The following CNTN1 variants were observed in gnomAD, a reference collection of about 807,000 sequenced individuals.
The protein encoded by CNTN1 is contactin 1.
Under a neutral mutation model 126.4 loss-of-function variants are expected in CNTN1, and 38 were observed. That is an observed-to-expected ratio of 0.30 (90% CI 0.23 to 0.39). The LOEUF is 0.39. Ranked by LOEUF, CNTN1 falls within the 10% of genes least tolerant of loss-of-function variation. The probability of loss-of-function intolerance (pLI) is 1.00; values close to 1 mark genes in which losing one functional copy is unlikely to be tolerated. For missense variants in CNTN1, 1,009 were observed against 1,248.4 expected, an observed-to-expected ratio of 0.81 and a Z score of 2.89; for synonymous variants, 413 against 422.6, an observed-to-expected ratio of 0.98 and a Z score of 0.28.
rs397957366 is a variant in CNTN1, at chr12:40,844,069, A to ATTTTTTTT, written c.-76-64279_-76-64272dup. Among the ~76,000 whole-genome samples the ATTTTTTTT allele has an allele frequency of 4.7e-4, 40 of 84,640 alleles. 11 individuals are homozygous for ATTTTTTTT. The highest frequency in any genetic ancestry group is 1.9e-3 in the East Asian group (4 of 2,082). The allele number at this position is 84,640 out of a possible 152,430, so 55.5% of individuals were successfully genotyped here. A position where few individuals can be genotyped will look rare whatever the true frequency, so the allele number is the denominator to read the frequency against. ...ATTGAAAAAATTCTTTGGCACAATGATTTTTTTTTTTTTTTTGAGACGGAG... is the reference window on the plus strand; with the variant it reads ...ATTGAAAAAATTCTTTGGCACAATGATTTTTTTTTTTTTTTTTTTTTTTTGAGACGGAG... On this transcript the variant is annotated intron_variant, in intron 1 of 23. Coordinates refer to ENST00000551295, the MANE Select transcript of CNTN1 (RefSeq NM_001843.4).
intron 15 of CNTN1, among the ~76,000 whole-genome samples, chr12:40,980,649 G>A (rs1443440940): frequency 6.6e-6 from 1 of 152,100 alleles, no homozygotes; most frequent in East Asian, 1.9e-4. Flanking sequence ...ATGAGTCAGA[G>A]ATTACTATAT....
intron 1 of CNTN1, among the ~76,000 whole-genome samples, chr12:40,736,953 T>C (rs1352041669): frequency 6.6e-6 from 1 of 151,988 alleles, no homozygotes; most frequent in Non-Finnish European, 1.5e-5. Context: ...GTTAGTTTTT[T>C]CAACATTATA....
chr12:40,865,304 T>G (rs1169123173), intron 1 of CNTN1, among the ~76,000 whole-genome samples: 1 of 152,184 alleles, frequency 6.6e-6, no homozygotes, highest in East Asian at 1.9e-4. Flanking sequence ...AGTAGTCTCT[T>G]CACTTTCTTG....
intron 17 of CNTN1, among the ~76,000 whole-genome samples, chr12:41,009,909 T>C (rs73116981): frequency 0.014 from 2,186 of 152,314 alleles, 19 homozygotes; most frequent in Middle Eastern, 0.034. Context: ...ATAAGGATGC[T>C]GGTCTGCCTG....
intron 1 of CNTN1, among the ~76,000 whole-genome samples, chr12:40,717,460 C>G (rs779753149): frequency 6.6e-6 from 1 of 152,114 alleles, no homozygotes; most frequent in South Asian, 2.1e-4. Flanking sequence ...GATTTCCGAC[C>G]TAAAAATTTT....
chr12:40,779,659 T>C (rs1939717022), intron 1 of CNTN1, among the ~76,000 whole-genome samples: 1 of 151,886 alleles, frequency 6.6e-6, no homozygotes, highest in Non-Finnish European at 1.5e-5. Flanking sequence ...AGTTTTCCTA[T>C]TATTGACTGT....
intron 19 of CNTN1, among the ~76,000 whole-genome samples, chr12:41,020,118 G>A (rs1948874508): frequency 6.6e-6 from 1 of 152,040 alleles, no homozygotes; most frequent in Admixed American, 6.6e-5. Flanking sequence ...ATGAATGTGT[G>A]TGTGCACATG....
At chr12:40,820,632 C>A (rs1941413812) in intron 1 of CNTN1, among the ~76,000 whole-genome samples, 1 of 151,664 alleles carries the variant, frequency 6.6e-6, no homozygotes, top group South Asian at 2.1e-4. Flanking sequence ...ATAATAATTC[C>A]TTTTTAGGGG....
At chr12:40,693,464 G>A (rs866418102) in intron 1 of CNTN1, among the ~76,000 whole-genome samples, 1 of 152,242 alleles carries the variant, frequency 6.6e-6, no homozygotes, top group African/African-American at 2.4e-5. Flanking sequence ...TCCTGCAGGA[G>A]TCAGATTGCT....
intron 3 of CNTN1, among the ~76,000 whole-genome samples, chr12:40,912,873 A>G (rs1414500865): frequency 6.6e-6 from 1 of 152,206 alleles, no homozygotes; most frequent in Non-Finnish European, 1.5e-5. Context: ...ATCAAAATAG[A>G]CTAGAGTTAG....
At chr12:40,771,395 A>G (rs1230414758) in intron 1 of CNTN1, among the ~76,000 whole-genome samples, 1 of 152,056 alleles carries the variant, frequency 6.6e-6, no homozygotes, top group Admixed American at 6.6e-5. Context: ...CTTAATTTTG[A>G]AGTAAAATAA....
chr12:40,927,988 AT>A (rs2136900546), intron 6 of CNTN1, among the ~76,000 whole-genome samples: 1 of 152,226 alleles, frequency 6.6e-6, no homozygotes, highest in African/African-American at 2.4e-5. Context: ...AACTGGCCTG[AT>A]AAAAAAGTCA....
intron 17 of CNTN1, among the ~76,000 whole-genome samples, chr12:41,004,558 T>C (rs1346191676): frequency 1.3e-5 from 2 of 152,200 alleles, no homozygotes; most frequent in Admixed American, 6.5e-5. Flanking sequence ...CTCATTATTA[T>C]GTGGGAGTCT....
chr12:40,949,120 G>A (rs1391825169), intron 14 of CNTN1, among the ~76,000 whole-genome samples: 2 of 151,536 alleles, frequency 1.3e-5, no homozygotes, highest in African/African-American at 4.9e-5. Context: ...ACTAGATCAT[G>A]CTGTGATCTT....
intron 1 of CNTN1, among the ~76,000 whole-genome samples, chr12:40,808,236 GTTAC>G (rs942263768): frequency 1.3e-5 from 2 of 152,166 alleles, no homozygotes; most frequent in South Asian, 2.1e-4. Flanking sequence ...TTTGGGGTTA[GTTAC>G]GGTTAATTAT....
intron 1 of CNTN1, among the ~76,000 whole-genome samples, chr12:40,759,750 T>C (rs1181021121): frequency 6.6e-6 from 1 of 150,920 alleles, no homozygotes; most frequent in Admixed American, 6.6e-5. Flanking sequence ...ATTACAGGCG[T>C]GAGCCACCTC....
At chr12:40,986,983 C>T (rs1371888519) in intron 16 of CNTN1, among the ~76,000 whole-genome samples, 1 of 152,122 alleles carries the variant, frequency 6.6e-6, no homozygotes, top group Non-Finnish European at 1.5e-5. Flanking sequence ...CACTGTTCTA[C>T]CAATGATGAA....
At chr12:40,845,023 G>A (rs945251435) in intron 1 of CNTN1, among the ~76,000 whole-genome samples, 8 of 152,086 alleles carry the variant, frequency 5.3e-5, no homozygotes, top group Non-Finnish European at 1.0e-4. Context: ...TCTTAACCAC[G>A]GAAGAGTAAT....
chr12:40,859,688 G>A (rs1161537987), intron 1 of CNTN1, among the ~76,000 whole-genome samples: 2 of 152,070 alleles, frequency 1.3e-5, no homozygotes, highest in Non-Finnish European at 2.9e-5. Flanking sequence ...TATGCTGGGG[G>A]TCAGGGCAAG....
Sources: gnomAD v4.1 joint callset for allele counts (sites outside exome capture counted in the v4.1 genomes callset) on GRCh38, gnomAD v4.1.1 for gene constraint, MANE v1.5 for transcripts, NCBI Gene and HGNC (gene_info 2026-07-23, HGNC 2026-07-21) for gene names.